The following CNTN5 variants were observed in gnomAD, a reference collection of about 807,000 sequenced individuals.
The protein encoded by CNTN5 is contactin 5, also known as contactin-5.
CNTN5 carries 77 observed loss-of-function variants against 129.1 expected under a neutral mutation model. That is an observed-to-expected ratio of 0.60 (90% CI 0.50 to 0.72). CNTN5 has a LOEUF of 0.72. Among genes scored for constraint, CNTN5 ranks in the 30% least tolerant of loss-of-function variants. The pLI is 0.00. For synonymous variants in CNTN5, 509 were observed against 465.6 expected, an observed-to-expected ratio of 1.09 and a Z score of -1.20; for missense variants, 1,478 against 1,328.8, an observed-to-expected ratio of 1.11 and a Z score of -1.75.
chr11:99,836,129 T>A (rs560880616), intron 4 of CNTN5, among the ~76,000 whole-genome samples: 2 of 151,916 alleles, frequency 1.3e-5, no homozygotes, highest in South Asian at 4.2e-4. Context: ...CCCTTGTTTT[T>A]TTTTTTTTTA....
At chr11:99,056,237 G>A (rs1864620389) in intron 1 of CNTN5, among the ~76,000 whole-genome samples, 1 of 151,892 alleles carries the variant, frequency 6.6e-6, no homozygotes, top group African/African-American at 2.4e-5. Context: ...ATTTTCTACA[G>A]GAGGAAATGA....
chr11:99,708,147 T>TC, intron 3 of CNTN5, among the ~76,000 whole-genome samples: 1 of 151,808 alleles, frequency 6.6e-6, no homozygotes, highest in African/African-American at 2.4e-5. Flanking sequence ...ATGATGATCT[T>TC]CCCCTGGCTT....
intron 21 of CNTN5, among the ~76,000 whole-genome samples, chr11:100,326,890 C>T (rs1465852841): frequency 1.3e-5 from 2 of 152,068 alleles, no homozygotes; most frequent in Non-Finnish European, 2.9e-5. Flanking sequence ...CACTGGGCAC[C>T]AAAAGCTCAA....
chr11:99,168,048 C>T (rs577082418), intron 1 of CNTN5, among the ~76,000 whole-genome samples: 3 of 151,912 alleles, frequency 2.0e-5, no homozygotes, highest in Admixed American at 6.6e-5. Flanking sequence ...GGATTCCCCC[C>T]ACTGCCTGCC....
Position 99,598,440 on chromosome 11 carries a change from CCCTT to C in CNTN5, c.55+42188_55+42191del, listed in dbSNP as rs557668024. ...TCCCTTCCTTCCTCCCTCCCTCCCT[CCCTT>C]CCTTCCTTCCTTCCTTTTTCCCTTC... is the stretch of plus-strand genomic sequence containing the variant. On this transcript the variant is annotated intron_variant, in intron 3 of 24. Transcript: ENST00000524871. Among the ~76,000 whole-genome samples the C allele has an allele frequency of 6.3e-3, 745 of 118,714 alleles. 14 individuals are homozygous for C. Among genetic ancestry groups the C allele is most frequent in the African/African-American group, 0.023 (683 of 29,066 alleles). The allele number at this position is 118,714 out of a possible 152,430, so 77.9% of individuals were successfully genotyped here.
intron 1 of CNTN5, among the ~76,000 whole-genome samples, chr11:99,221,439 G>A (rs887188057): frequency 6.6e-6 from 1 of 151,846 alleles, no homozygotes; most frequent in Non-Finnish European, 1.5e-5. Context: ...AATTGGAAAA[G>A]TAAAATAGAT....
chr11:99,130,698 C>T (rs1858889829), intron 1 of CNTN5, among the ~76,000 whole-genome samples: 1 of 66,408 alleles, frequency 1.5e-5, no homozygotes, highest in Non-Finnish European at 3.6e-5. Context: ...TGAAATTGAT[C>T]ACATAATTGG....
intron 2 of CNTN5, among the ~76,000 whole-genome samples, chr11:99,496,485 T>C (rs1946231789): frequency 6.6e-6 from 1 of 152,208 alleles, no homozygotes. Context: ...TAAAAATGTC[T>C]TGAAAGAAAT....
intron 1 of CNTN5, among the ~76,000 whole-genome samples, chr11:99,201,351 T>TTCCTCCCTTCCTTCCTTCCTTCCTTCC: frequency 1.1e-5 from 1 of 88,154 alleles, no homozygotes; most frequent in Non-Finnish European, 2.2e-5. Context: ...CTTCCTTTCC[T>TTCCTCCCTTCCTTCCTTCCTTCCTTCC]TTCCTTCCTT....
chr11:99,263,068 CA>C (rs1292275291), intron 1 of CNTN5, among the ~76,000 whole-genome samples: 1 of 152,020 alleles, frequency 6.6e-6, no homozygotes. Flanking sequence ...ATTAAGTCAG[CA>C]AAAAGTCCTA....
chr11:99,476,494 G>A (rs540743044), intron 2 of CNTN5, among the ~76,000 whole-genome samples: 25 of 152,240 alleles, frequency 1.6e-4, no homozygotes, highest in Admixed American at 4.6e-4. Context: ...TGCATATCAC[G>A]TAGATTTGTG....
intron 3 of CNTN5, among the ~76,000 whole-genome samples, chr11:99,812,336 T>C (rs747138439): frequency 6.6e-5 from 10 of 152,128 alleles, no homozygotes; most frequent in Non-Finnish European, 5.9e-5. Flanking sequence ...AAAATGAATA[T>C]GACAATTCGG....
At chr11:99,643,982 A>G (rs1306324443) in intron 3 of CNTN5, among the ~76,000 whole-genome samples, 1 of 152,012 alleles carries the variant, frequency 6.6e-6, no homozygotes, top group Non-Finnish European at 1.5e-5. Flanking sequence ...TGCAAAGCCC[A>G]TATTCTATAT....
intron 9 of CNTN5, among the ~76,000 whole-genome samples, chr11:100,040,159 C>G (rs1942284901): frequency 7.3e-6 from 1 of 136,496 alleles, no homozygotes. Flanking sequence ...TGTGGATGTC[C>G]TTTCTGTTTG....
At position 99,162,077 on chromosome 11, in the gene CNTN5, G is replaced by A. The variant is rs986949187; in HGVS notation, c.-210+140807G>A. 2.6e-5 allele frequency among the ~76,000 whole-genome samples: 4 copies of A among 152,026 alleles called. 1 individual carries two copies. The highest frequency in any genetic ancestry group is 9.7e-5 in the African/African-American group (4 of 41,380). On this transcript the variant is annotated intron_variant, in intron 1 of 24. Coordinates refer to ENST00000524871, the MANE Select transcript of CNTN5 (RefSeq NM_014361.4). ...TGCTTCTACAACCCTAGACTACCCT[G>A]GTTAATAGAACCTCCTTTTTTTTTC... is the stretch of plus-strand genomic sequence containing the variant.
intron 7 of CNTN5, among the ~76,000 whole-genome samples, chr11:99,921,998 A>C (rs1949950924): frequency 6.6e-6 from 1 of 152,148 alleles, no homozygotes; most frequent in African/African-American, 2.4e-5. Flanking sequence ...AAATATAGTC[A>C]AAAAAGCTTG....
chr11:99,583,909 G>A (rs1337279551), intron 3 of CNTN5, among the ~76,000 whole-genome samples: 1 of 152,234 alleles, frequency 6.6e-6, no homozygotes, highest in African/African-American at 2.4e-5. Flanking sequence ...CCCATCTTCT[G>A]CATGGCTCAA....
chr11:100,337,830 T>C (rs542258256), intron 21 of CNTN5, among the ~76,000 whole-genome samples: 7 of 152,306 alleles, frequency 4.6e-5, no homozygotes, highest in Admixed American at 2.0e-4. Flanking sequence ...AGGGATACAA[T>C]CCCAGGTGGA....
intron 1 of CNTN5, among the ~76,000 whole-genome samples, chr11:99,042,333 C>T (rs965885103): frequency 6.7e-6 from 1 of 149,044 alleles, no homozygotes; most frequent in Non-Finnish European, 1.5e-5. Context: ...CAAACCTGCA[C>T]GTTCTGCACA....
Sources: gnomAD v4.1 joint callset for allele counts (sites outside exome capture counted in the v4.1 genomes callset) on GRCh38, gnomAD v4.1.1 for gene constraint, MANE v1.5 for transcripts, NCBI Gene and HGNC (gene_info 2026-07-23, HGNC 2026-07-21) for gene names.